SHTN1: variants seen among roughly 807,000 people sequenced by gnomAD.
SHTN1 encodes the protein shootin 1, also known as shootin-1.
In SHTN1, 42 loss-of-function variants were observed where a neutral mutation model predicts 83.1. That is an observed-to-expected ratio of 0.51 (90% CI 0.39 to 0.65). SHTN1 has a LOEUF of 0.65. Ranked by LOEUF, SHTN1 falls within the 30% of genes least tolerant of loss-of-function variation. The probability of loss-of-function intolerance (pLI) is 0.00; values close to 1 mark genes in which losing one functional copy is unlikely to be tolerated. For missense variants in SHTN1, 622 were observed against 737.8 expected, an observed-to-expected ratio of 0.84 and a Z score of 1.82; for synonymous variants, 224 against 247.7, an observed-to-expected ratio of 0.90 and a Z score of 0.90.
At chr10:117,005,531 C>A (rs963149501), upstream of SHTN1, 9 of 1,000,850 alleles carry the variant, frequency 9.0e-6, no homozygotes, top group East Asian at 5.5e-4. Context: ...TTGGACGCTT[C>A]CCGGGGGTCG....
intron 1 of SHTN1, among the ~76,000 whole-genome samples, chr10:117,074,425 A>G (rs1853125622): frequency 6.6e-6 from 1 of 152,208 alleles, no homozygotes; most frequent in Non-Finnish European, 1.5e-5. Context: ...GAGATCCTTA[A>G]TCTATACTTC....
intron 1 of SHTN1, among the ~76,000 whole-genome samples, chr10:117,051,400 T>A (rs764405949): frequency 2.6e-5 from 4 of 152,118 alleles, no homozygotes; most frequent in African/African-American, 7.2e-5. Context: ...AGGAAATACA[T>A]CCTGACTCAT....
chr10:116,991,571 T>C (rs566128803), intron 1 of SHTN1, among the ~76,000 whole-genome samples: 4 of 152,236 alleles, frequency 2.6e-5, no homozygotes, highest in African/African-American at 9.6e-5. Flanking sequence ...TCAGGGAGGC[T>C]ATAGTAGACA....
intron 1 of SHTN1, among the ~76,000 whole-genome samples, chr10:117,103,063 ATT>A (rs1243632941): frequency 6.6e-6 from 1 of 151,958 alleles, no homozygotes; most frequent in East Asian, 1.9e-4. Flanking sequence ...TCCTTGTTCT[ATT>A]TTTTGTTTGT....
chr10:116,988,997 A>AT (rs1313751471), intron 1 of SHTN1, among the ~76,000 whole-genome samples: 1 of 152,120 alleles, frequency 6.6e-6, no homozygotes. Flanking sequence ...AAATACATAT[A>AT]TTTTTTGGAT....
intron 1 of SHTN1, among the ~76,000 whole-genome samples, chr10:116,992,997 T>C (rs1455626871): frequency 4.3e-5 from 6 of 138,740 alleles, no homozygotes; most frequent in Non-Finnish European, 9.1e-5. Context: ...TATACATGTT[T>C]TCTTTTCTTT....
intron 2 of SHTN1, among the ~76,000 whole-genome samples, chr10:117,032,506 A>G (rs947186708): frequency 6.6e-6 from 1 of 152,098 alleles, no homozygotes; most frequent in African/African-American, 2.4e-5. Context: ...ACCCAGCCAT[A>G]TAACAATTTT....
chr10:116,909,359 A>C (rs1473745911), intron 14 of SHTN1, among the ~76,000 whole-genome samples: 3 of 152,206 alleles, frequency 2.0e-5, no homozygotes, highest in Non-Finnish European at 4.4e-5. Flanking sequence ...TGGAAAACTG[A>C]AGATGTCTGG....
chr10:117,026,889 T>C (rs1248653994), intron 2 of SHTN1, among the ~76,000 whole-genome samples: 2 of 152,138 alleles, frequency 1.3e-5, no homozygotes, highest in South Asian at 2.1e-4. Context: ...TGAGTGAACA[T>C]AGGTGGTAGC....
rs1174576153 is a variant in SHTN1, at chr10:117,024,348, CTTTTT to C, written c.-123+24092_-123+24096del. On this transcript the variant is annotated intron_variant, in intron 2 of 17. Transcript: ENST00000392901. ...GATGTATACACTTGTCAAAACTTTTCTTTTTTTTTTTTTTTTTTTTTTTTGAGACG... is the reference window on the plus strand; with the variant it reads ...GATGTATACACTTGTCAAAACTTTTCTTTTTTTTTTTTTTTTTTTGAGACG... 6.4e-5 allele frequency among the ~76,000 whole-genome samples: 5 copies of C among 77,686 alleles called. No individual in the cohort carries two copies. In the East Asian group the frequency reaches 1.2e-3, roughly 18 times the overall value. The allele number at this position is 77,686 out of a possible 152,430, so 51.0% of individuals were successfully genotyped here. A position where few individuals can be genotyped will look rare whatever the true frequency, so the allele number is the denominator to read the frequency against.
At chr10:116,981,598 G>A (rs1851020562) in intron 1 of SHTN1, among the ~76,000 whole-genome samples, 1 of 152,064 alleles carries the variant, frequency 6.6e-6, no homozygotes, top group African/African-American at 2.4e-5. Context: ...ATCTTAAATT[G>A]TTTCAAAAAA....
chr10:116,971,005 T>C (rs372308277), intron 2 of SHTN1, among the ~76,000 whole-genome samples: 20 of 152,314 alleles, frequency 1.3e-4, no homozygotes, highest in African/African-American at 4.3e-4. Context: ...CAATGGGTAT[T>C]TGTTATACTA....
intron 1 of SHTN1, among the ~76,000 whole-genome samples, chr10:117,109,553 C>CTTATTTTTTTT (rs1853730800): frequency 2.3e-5 from 1 of 42,932 alleles, no homozygotes; most frequent in Non-Finnish European, 3.7e-5. Flanking sequence ...ACATATATTA[C>CTTATTTTTTTT]TTTTTTTTTT....
intron 2 of SHTN1, among the ~76,000 whole-genome samples, chr10:117,021,923 T>C (rs1282846665): frequency 6.6e-6 from 1 of 152,236 alleles, no homozygotes; most frequent in Non-Finnish European, 1.5e-5. Context: ...AGATATTTTG[T>C]AAATGTGATT....
chr10:116,929,275 G>A (rs1304881440), intron 10 of SHTN1, among the ~76,000 whole-genome samples: 1 of 152,152 alleles, frequency 6.6e-6, no homozygotes, highest in East Asian at 1.9e-4. Flanking sequence ...GCACATTCCC[G>A]TTAAGCCTTC....
At chr10:117,126,154 A>G (rs1465637302) in intron 1 of SHTN1, among the ~76,000 whole-genome samples, 1 of 152,134 alleles carries the variant, frequency 6.6e-6, no homozygotes, top group African/African-American at 2.4e-5. Context: ...CCGCCGCTCC[A>G]CTGCCTTGGG....
intron 1 of SHTN1, among the ~76,000 whole-genome samples, chr10:116,989,429 T>C (rs926894461): frequency 6.6e-6 from 1 of 152,116 alleles, no homozygotes; most frequent in Non-Finnish European, 1.5e-5. Context: ...CTCCTTAAAA[T>C]ATGAAGAGCT....
chr10:117,065,879 AGGTG>A (rs1159259194), intron 1 of SHTN1, among the ~76,000 whole-genome samples: 41 of 19,598 alleles, frequency 2.1e-3, no homozygotes, highest in East Asian at 5.0e-3. Flanking sequence ...GGAGGGAGGG[AGGTG>A]GGGAGGGGAA....
At chr10:117,021,890 A>G (rs1852268264) in intron 2 of SHTN1, among the ~76,000 whole-genome samples, 1 of 152,206 alleles carries the variant, frequency 6.6e-6, no homozygotes, top group South Asian at 2.1e-4. Flanking sequence ...GGACCCGGTT[A>G]TTTAATCACT....
Sources: allele counts gnomAD v4.1 joint callset (sites outside exome capture counted in the v4.1 genomes callset), GRCh38; gene constraint gnomAD v4.1.1; transcripts MANE v1.5; gene names NCBI Gene and HGNC (gene_info 2026-07-23, HGNC 2026-07-21).